ULBP1: variants seen among roughly 807,000 people sequenced by gnomAD.
The protein encoded by ULBP1 is UL16 binding protein 1, also known as UL16-binding protein 1.
Under a neutral mutation model 25.3 loss-of-function variants are expected in ULBP1, and 28 were observed. The ratio of observed to expected loss-of-function variants is 1.10; its 90% CI spans 0.82 to 1.51. The LOEUF (loss-of-function observed/expected upper bound fraction) is 1.51, where lower values mean the gene tolerates loss of function less well. ULBP1 is among the 40% of genes most tolerant of loss of function. The probability of loss-of-function intolerance (pLI) is 0.00; values close to 1 mark genes in which losing one functional copy is unlikely to be tolerated. For synonymous variants in ULBP1, 129 were observed against 103.0 expected (o/e 1.25, Z -1.53); for missense variants, 348 against 290.9 (o/e 1.20, Z -1.43).
At position 149,972,656 on chromosome 6, in the gene ULBP1, A is replaced by C. The variant is rs1482111550; in HGVS notation, c.*1310A>C. On this transcript the variant is annotated 3_prime_UTR_variant, in exon 5 of 5. Coordinates refer to ENST00000229708, the MANE Select transcript of ULBP1 (RefSeq NM_025218.4). ...AATCTACAAGGAACTTAAACAATTC[A>C]ACAAGCAAGAAGAAAAAACCCAATT... 6.6e-6 allele frequency: 1 copy of C among 152,234 alleles called. No individual in the cohort carries two copies. The highest frequency in any genetic ancestry group is 1.9e-4 in the East Asian group (1 of 5,202). The allele number at this position is 152,234 out of a possible 1,614,324, so 9.4% of individuals were successfully genotyped here. A position where few individuals can be genotyped will look rare whatever the true frequency, so the allele number is the denominator to read the frequency against.
At chr6:149,965,171 CCTCCCCGAACATCGCGGT>C (rs1779182011) in intron 1 of ULBP1, among the ~76,000 whole-genome samples, 1 of 80,204 alleles carries the variant, frequency 1.2e-5, no homozygotes, top group Non-Finnish European at 2.0e-5. Context: ...AACATCGCGG[CCTCCCCGAACATCGCGGT>C]CTCCCCGAAC....
Position 149,967,108 on chromosome 6 carries a change from C to T in ULBP1, c.86-1499C>T, listed in dbSNP as rs550114663. Among the ~76,000 whole-genome samples, 22 of 152,290 alleles carry T rather than the reference C, an allele frequency of 1.4e-4. No individual in the cohort carries two copies. The South Asian group carries it at 3.5e-3, about 24-fold the overall frequency. On this transcript the variant is annotated intron_variant, in intron 1 of 4. Transcript: ENST00000229708. ...ATTAACTACAAACACTATCCATTCC[C>T]GGTAGAAATCCAGGAAATGTGAAAT...
chr6:149,968,478 C>A, intron 1 of ULBP1, 129 bp from the exon 2 acceptor site: 2 of 1,251,286 alleles, frequency 1.6e-6, no homozygotes, highest in African/African-American at 1.5e-5. Context: ...ACAGTCCTGG[C>A]TGGGGCATGT....
rs1779277980 is a variant in ULBP1, at chr6:149,969,730, T to A, written c.626-286T>A. ...CAAAATCACCTCCAATGCCAGGGCC[T>A]GAGGCCCTCCCCTCCCTGGCCCTGG... On this transcript the variant is annotated intron_variant, in intron 3 of 4. Coordinates refer to ENST00000229708, the MANE Select transcript of ULBP1 (RefSeq NM_025218.4). Among the ~76,000 whole-genome samples the A allele has an allele frequency of 3.3e-5, 5 of 152,220 alleles. No homozygotes were observed. In the South Asian group the frequency reaches 1.0e-3, roughly 31 times the overall value.
chr6:149,967,345 G>A (rs4084449), intron 1 of ULBP1, among the ~76,000 whole-genome samples: 2,636 of 152,308 alleles, frequency 0.017, 82 homozygotes, highest in African/African-American at 0.059. Flanking sequence ...CAGAGTGAAT[G>A]CCCATCTGGC....
At chr6:149,971,096 G>A (rs189141659) in intron 4 of ULBP1, among the ~76,000 whole-genome samples, 12 of 152,336 alleles carry the variant, frequency 7.9e-5, no homozygotes, top group Admixed American at 5.2e-4. Flanking sequence ...TGAGAGGGAG[G>A]AGCAGGCCCT....
At chr6:149,968,397 A>C (rs1292772893) in intron 1 of ULBP1, among the ~76,000 whole-genome samples, 1 of 152,172 alleles carries the variant, frequency 6.6e-6, no homozygotes, top group Non-Finnish European at 1.5e-5. Context: ...ATGTGGTTTC[A>C]TGGCTGCAGG....
At chr6:149,965,216 A>G (rs1388125755) in intron 1 of ULBP1, among the ~76,000 whole-genome samples, 2 of 111,136 alleles carry the variant, frequency 1.8e-5, no homozygotes. Context: ...ATCCCCCAGA[A>G]CATCGCGGTC....
rs757004363 is a variant in ULBP1, at chr6:149,970,067, C to T, written c.677C>T (p.Thr226Ile). 6 of 1,613,404 alleles carry T rather than the reference C, an allele frequency of 3.7e-6. No individual in the cohort carries two copies. In the East Asian group the frequency reaches 1.3e-4, roughly 36 times the overall value. Residue 226 changes from threonine (T) to isoleucine (I), a missense_variant, in exon 4 of 5, where the codon ACC becomes ATC. Transcript: ENST00000229708. ...ACCCAACCCAAGGCCATGGCCACCACCCTCAGTCCCTGGAGCCTTCTCATC... is the reference window on the plus strand; with the variant it reads ...ACCCAACCCAAGGCCATGGCCACCATCCTCAGTCCCTGGAGCCTTCTCATC... ...GTTQPKAMATTLSPWSLLIIF... is the reference protein window; with the variant it reads ...GTTQPKAMATILSPWSLLIIF...
At chr6:149,969,521 C>T (rs1779271593) in intron 3 of ULBP1, among the ~76,000 whole-genome samples, 161 bp downstream of exon 3, 1 of 152,116 alleles carries the variant, frequency 6.6e-6, no homozygotes, top group African/African-American at 2.4e-5. Flanking sequence ...CTCTCTCATC[C>T]TCCTCTCCCT....
intron 3 of ULBP1, 119 bp from the exon 4 acceptor site, chr6:149,969,896 AC>A (rs2114714154): frequency 2.9e-6 from 4 of 1,363,294 alleles, no homozygotes; most frequent in Non-Finnish European, 4.0e-6. Context: ...AGGTTGCCCC[AC>A]AGCAGAGGGG....
intron 1 of ULBP1, 37 bp downstream of exon 1, chr6:149,964,171 C>T: frequency 6.2e-7 from 1 of 1,611,690 alleles, no homozygotes; most frequent in Non-Finnish European, 8.5e-7. Context: ...GGGCGGGGGC[C>T]AAACCTGGGA....
At chr6:149,968,928 T>C in intron 2 of ULBP1, 58 bp downstream of exon 2, 1 of 1,567,634 alleles carries the variant, frequency 6.4e-7, no homozygotes, top group Non-Finnish European at 8.6e-7. Flanking sequence ...CATTTATTGA[T>C]TTCATATGAA....
In ULBP1 at chr6:149,970,127, G is replaced by A; in HGVS notation, c.*2G>A. On this transcript the variant is annotated 3_prime_UTR_variant, in exon 4 of 5. Transcript: ENST00000229708. ...TGCTTCATTCTAGCTGGCAGATGAG[G>A]AGAGTTGTTTAGAGTGACAGGTACT... is the stretch of plus-strand genomic sequence containing the variant. 6.2e-7 allele frequency: 1 copy of A among 1,602,286 alleles called. No homozygotes were observed. Among genetic ancestry groups the A allele is most frequent in the Non-Finnish European group, 8.5e-7 (1 of 1,174,232 alleles).
intron 3 of ULBP1, 54 bp downstream of exon 3, chr6:149,969,414 G>A: frequency 6.3e-7 from 1 of 1,588,244 alleles, no homozygotes; most frequent in Admixed American, 1.7e-5. Context: ...CTTATCAGCT[G>A]GTGTATGTGT....
Position 149,971,417 on chromosome 6 carries a change from T to C in ULBP1, c.*71T>C, listed in dbSNP as rs1236233190. ...TCTGTTAGCCTGGTCTGGGTCCTGC[T>C]CTCCCTTCAGGGAGGCCGCCTGTCT... is the stretch of plus-strand genomic sequence containing the variant. On this transcript the variant is annotated 3_prime_UTR_variant, in exon 5 of 5. Transcript: ENST00000229708. 1 of 985,074 alleles carries C rather than the reference T, an allele frequency of 1.0e-6. No homozygotes were observed. Among genetic ancestry groups the C allele is most frequent in the Non-Finnish European group, 1.2e-6 (1 of 829,840 alleles). The allele number at this position is 985,074 out of a possible 1,614,324, so 61.0% of individuals were successfully genotyped here. A position where few individuals can be genotyped will look rare whatever the true frequency, so the allele number is the denominator to read the frequency against.
rs997675831 is a variant in ULBP1, at chr6:149,972,163, A to T, written c.*817A>T. 6.6e-6 allele frequency: 1 copy of T among 152,110 alleles called. No individual in the cohort carries two copies. Among genetic ancestry groups the T allele is most frequent in the Admixed American group, 6.6e-5 (1 of 15,266 alleles). 9.4% of individuals were successfully genotyped at this position (152,110 alleles called of 1,614,324 possible). A position where few individuals can be genotyped will look rare whatever the true frequency, so the allele number is the denominator to read the frequency against. ...TTAATATGAAAATATTACATTCATG[A>T]TTATTTTATTTAGTAAATAAAATAA... On this transcript the variant is annotated 3_prime_UTR_variant, in exon 5 of 5. Coordinates refer to ENST00000229708, the MANE Select transcript of ULBP1 (RefSeq NM_025218.4).
chr6:149,970,382 G>A (rs1235504555), intron 4 of ULBP1, among the ~76,000 whole-genome samples: 5 of 152,222 alleles, frequency 3.3e-5, no homozygotes, highest in East Asian at 1.9e-4. Flanking sequence ...AAGGCTCAAG[G>A]CCTGTTGAGC....
At chr6:149,969,481 G>C in intron 3 of ULBP1, 121 bp downstream of exon 3, 1 of 1,389,492 alleles carries the variant, frequency 7.2e-7, no homozygotes, top group Non-Finnish European at 9.8e-7. Flanking sequence ...CTCATGGGGG[G>C]CTCCTCCTGG....
Sources: gnomAD v4.1 joint callset for allele counts (sites outside exome capture counted in the v4.1 genomes callset) on GRCh38, gnomAD v4.1.1 for gene constraint, MANE v1.5 for transcripts, NCBI Gene and HGNC (gene_info 2026-07-23, HGNC 2026-07-21) for gene names.